MANBA: variants seen among roughly 807,000 people sequenced by gnomAD.
MANBA encodes mannosidase beta.
MANBA carries 83 observed loss-of-function variants against 111.1 expected under a neutral mutation model. That is an observed-to-expected ratio of 0.75 (90% CI 0.63 to 0.90). The LOEUF (loss-of-function observed/expected upper bound fraction) is 0.90. Among genes scored for constraint, MANBA ranks in the 40% least tolerant of loss-of-function variants. The pLI is 0.00. For missense variants in MANBA, 1,036 were observed against 1,069.0 expected (o/e 0.97, Z 0.43); for synonymous variants, 370 against 378.7 (o/e 0.98, Z 0.27).
chr4:102,717,410 T>C (rs1243597785), intron 4 of MANBA, among the ~76,000 whole-genome samples: 1 of 148,624 alleles, frequency 6.7e-6, no homozygotes, highest in African/African-American at 2.5e-5. Context: ...TTATCCACTG[T>C]GAGCAGGCAG....
intron 7 of MANBA, 118 bp downstream of exon 7, chr4:102,689,456 C>T (rs1309960057): frequency 1.4e-5 from 9 of 635,624 alleles, no homozygotes; most frequent in African/African-American, 9.3e-5. Flanking sequence ...TAAAGATGAT[C>T]TCTGATGGGT....
chr4:102,634,621 A>C (rs1729532689), intron 16 of MANBA, among the ~76,000 whole-genome samples, 167 bp downstream of exon 16: 1 of 152,248 alleles, frequency 6.6e-6, no homozygotes, highest in Non-Finnish European at 1.5e-5. Context: ...AATAGAAATC[A>C]TTTGGTGTTT....
At chr4:102,636,823 T>C (rs1296447342) in intron 14 of MANBA, among the ~76,000 whole-genome samples, 1 of 152,164 alleles carries the variant, frequency 6.6e-6, no homozygotes, top group Non-Finnish European at 1.5e-5. Flanking sequence ...TTATTATATA[T>C]ACATATATAA....
At chr4:102,671,000 T>G in intron 9 of MANBA, 1 of 237,350 alleles carries the variant, frequency 4.2e-6, no homozygotes. Context: ...TTGTTTTCTT[T>G]TATATGCATA....
chr4:102,684,472 GGCATATGT>G (rs1212004755), intron 7 of MANBA, among the ~76,000 whole-genome samples: 4 of 152,212 alleles, frequency 2.6e-5, no homozygotes, highest in African/African-American at 9.6e-5. Context: ...TGCCGTTGGG[GGCATATGT>G]GCTCCGAGTG....
chr4:102,717,873 GT>G (rs1722404421), intron 4 of MANBA, among the ~76,000 whole-genome samples: 1 of 152,200 alleles, frequency 6.6e-6, no homozygotes. Context: ...ATGAGAAGCT[GT>G]TGAAGAGTTT....
chr4:102,734,914 C>T (rs1053824596), intron 1 of MANBA, among the ~76,000 whole-genome samples: 36 of 152,180 alleles, frequency 2.4e-4, no homozygotes, highest in African/African-American at 8.4e-4. Context: ...CATTTTCTTA[C>T]TTAGTCATGT....
chr4:102,760,618 G>T (rs1191475015), intron 1 of MANBA, 100 bp downstream of exon 1: 3 of 1,282,234 alleles, frequency 2.3e-6, no homozygotes, highest in African/African-American at 1.5e-5. Flanking sequence ...AAACCGACGA[G>T]AATGGCCCAG....
chr4:102,706,324 G>A (rs1424010543), intron 5 of MANBA, among the ~76,000 whole-genome samples: 1 of 152,182 alleles, frequency 6.6e-6, no homozygotes, highest in African/African-American at 2.4e-5. Flanking sequence ...CTAAGCCACT[G>A]AGGAAATCAC....
chr4:102,655,041 G>A (rs557921695), intron 12 of MANBA, among the ~76,000 whole-genome samples: 2 of 152,098 alleles, frequency 1.3e-5, no homozygotes, highest in East Asian at 1.9e-4. Context: ...ATTTTTATAC[G>A]TTAGCAATGA....
At chr4:102,698,031 C>T (rs1160745815) in intron 5 of MANBA, among the ~76,000 whole-genome samples, 3 of 151,792 alleles carry the variant, frequency 2.0e-5, no homozygotes, top group Non-Finnish European at 2.9e-5. Context: ...TGTTTCCTGA[C>T]TTTTTAATGA....
intron 5 of MANBA, among the ~76,000 whole-genome samples, chr4:102,694,896 T>G (rs1732638603): frequency 6.6e-6 from 1 of 152,008 alleles, no homozygotes; most frequent in Non-Finnish European, 1.5e-5. Context: ...GCAGAAGAGA[T>G]TATGTTCTAC....
intron 7 of MANBA, among the ~76,000 whole-genome samples, chr4:102,681,151 C>T (rs1416305031): frequency 2.0e-5 from 3 of 152,080 alleles, no homozygotes; most frequent in African/African-American, 7.2e-5. Flanking sequence ...CACTTACTGT[C>T]TGCACCTAAG....
chr4:102,673,831 A>G, intron 8 of MANBA, 88 bp downstream of exon 8: 1 of 1,249,468 alleles, frequency 8.0e-7, no homozygotes, highest in Non-Finnish European at 1.2e-6. Flanking sequence ...CCTTGCCCAG[A>G]GACTAAAGAA....
At chr4:102,726,504 A>C (rs1722808085) in intron 2 of MANBA, 85 bp downstream of exon 2, 6 of 787,040 alleles carry the variant, frequency 7.6e-6, no homozygotes, top group Middle Eastern at 2.3e-4. Context: ...CAAAAAAAAA[A>C]CAAACAAAAC....
intron 1 of MANBA, chr4:102,730,817 A>G (rs186385599): frequency 7.2e-6 from 3 of 415,378 alleles, no homozygotes; most frequent in South Asian, 1.9e-5. Flanking sequence ...TTTGTCCTCA[A>G]ACTCAACTAT....
chr4:102,689,279 G>A (rs1474335538), intron 7 of MANBA, among the ~76,000 whole-genome samples: 2 of 151,434 alleles, frequency 1.3e-5, no homozygotes. Flanking sequence ...AACCCAGGAG[G>A]TGGAGGTTGC....
intron 7 of MANBA, among the ~76,000 whole-genome samples, chr4:102,679,315 A>T (rs2110231656): frequency 6.6e-6 from 1 of 152,192 alleles, no homozygotes; most frequent in Middle Eastern, 3.4e-3. Flanking sequence ...ATCACTTTTT[A>T]AGACCTCCTC....
At chr4:102,640,652 C>T (rs1306345448) in intron 13 of MANBA, among the ~76,000 whole-genome samples, 4 of 152,128 alleles carry the variant, frequency 2.6e-5, no homozygotes, top group East Asian at 3.9e-4. Flanking sequence ...GTCAGAGCAG[C>T]GAGGATTTCA....
Sources: gnomAD v4.1 joint callset for allele counts (sites outside exome capture counted in the v4.1 genomes callset) on GRCh38, gnomAD v4.1.1 for gene constraint, MANE v1.5 for transcripts, NCBI Gene and HGNC (gene_info 2026-07-23, HGNC 2026-07-21) for gene names.